Variants in KHDRBS2 observed in about 807,000 individuals in gnomAD.
KHDRBS2 encodes KH RNA binding domain containing, signal transduction associated 2.
In KHDRBS2, 26 loss-of-function variants were observed where a neutral mutation model predicts 44.3. That is an observed-to-expected ratio of 0.59 (90% CI 0.43 to 0.81). The LOEUF is 0.81. KHDRBS2 is among the 40% of genes least tolerant of loss of function. The probability of loss-of-function intolerance (pLI) is 0.00; values close to 1 mark genes in which losing one functional copy is unlikely to be tolerated. For missense variants in KHDRBS2, 476 were observed against 433.1 expected, an observed-to-expected ratio of 1.10 and a Z score of -0.88; for synonymous variants, 194 against 151.1, an observed-to-expected ratio of 1.28 and a Z score of -2.08.
intron 6 of KHDRBS2, among the ~76,000 whole-genome samples, chr6:61,843,222 G>T (rs766285100): frequency 6.6e-6 from 1 of 151,882 alleles, no homozygotes; most frequent in African/African-American, 2.4e-5. Context: ...GTATCTTTTC[G>T]AAGTGATAAA....
chr6:62,078,084 G>C (rs1263407890), intron 2 of KHDRBS2, among the ~76,000 whole-genome samples: 4 of 152,032 alleles, frequency 2.6e-5, no homozygotes, highest in Non-Finnish European at 5.9e-5. Flanking sequence ...TGCTGGCTAA[G>C]AGTATCTGCA....
At chr6:62,161,578 G>GT (rs998029505) in intron 2 of KHDRBS2, among the ~76,000 whole-genome samples, 3 of 131,376 alleles carry the variant, frequency 2.3e-5, no homozygotes, top group Admixed American at 2.3e-4. Context: ...ATTTGCGGGG[G>GT]GGGGGGGGGT....
chr6:62,101,375 T>A (rs1358529687), intron 2 of KHDRBS2, among the ~76,000 whole-genome samples: 1 of 152,086 alleles, frequency 6.6e-6, no homozygotes, highest in Non-Finnish European at 1.5e-5. Flanking sequence ...AACTGCAAGG[T>A]CTTGGATTTC....
chr6:62,279,026 G>A (rs1451806821), intron 1 of KHDRBS2, among the ~76,000 whole-genome samples: 3 of 152,022 alleles, frequency 2.0e-5, no homozygotes, highest in Admixed American at 6.6e-5. Context: ...CCCGGGAGGC[G>A]GAGCTTGCAG....
At chr6:61,719,845 G>A (rs535909952) in intron 7 of KHDRBS2, among the ~76,000 whole-genome samples, 1 of 151,924 alleles carries the variant, frequency 6.6e-6, no homozygotes, top group Admixed American at 6.6e-5. Context: ...AGTTACATAT[G>A]TATACATGTG....
chr6:61,664,267 C>A, the KHDRBS2 span, among the ~76,000 whole-genome samples: 162 of 151,850 alleles, frequency 1.1e-3, no homozygotes, highest in African/African-American at 3.8e-3. Context: ...GGAAGGTTGA[C>A]ATATTTGAAT....
intron 4 of KHDRBS2, among the ~76,000 whole-genome samples, chr6:61,925,296 T>C (rs1447999828): frequency 1.3e-5 from 2 of 152,134 alleles, no homozygotes; most frequent in African/African-American, 4.8e-5. Context: ...TCCTCACTTT[T>C]TGAAATAAAA....
At chr6:62,258,492 AG>A (rs1197601222) in intron 1 of KHDRBS2, among the ~76,000 whole-genome samples, 4 of 152,084 alleles carry the variant, frequency 2.6e-5, no homozygotes, top group African/African-American at 7.2e-5. Flanking sequence ...ATGTAAATTT[AG>A]AGTCAGAAAT....
rs73489288 is a variant in KHDRBS2, at chr6:62,103,306, C to T, written c.220-55312G>A. Among the ~76,000 whole-genome samples the T allele has an allele frequency of 8.2e-3, 1,249 of 152,246 alleles. 16 individuals are homozygous for T. The highest frequency in any genetic ancestry group is 0.029 in the African/African-American group (1,203 of 41,548). ...TAGTCTGCTGGGCCCCGGTTGTCCA[C>T]GTGAAGGGGAACAGCCTTCAGCCCC... On this transcript the variant is annotated intron_variant, in intron 2 of 8. Transcript: ENST00000281156.
chr6:62,277,299 A>T (rs1213511888), intron 1 of KHDRBS2, among the ~76,000 whole-genome samples: 2 of 152,024 alleles, frequency 1.3e-5, no homozygotes, highest in Non-Finnish European at 2.9e-5. Flanking sequence ...TATTAATAGC[A>T]CATATCATAT....
chr6:61,597,223 T>C, the KHDRBS2 span, among the ~76,000 whole-genome samples: 1 of 152,210 alleles, frequency 6.6e-6, no homozygotes. Flanking sequence ...AAAGATTTTC[T>C]TTTTAGGTGT....
At chr6:62,064,980 C>A (rs1175431562) in intron 2 of KHDRBS2, among the ~76,000 whole-genome samples, 10 of 151,946 alleles carry the variant, frequency 6.6e-5, no homozygotes, top group Admixed American at 1.3e-4. Context: ...AGGACATGAA[C>A]AGACACTTCT....
chr6:62,236,748 A>C (rs1462178069), intron 1 of KHDRBS2, among the ~76,000 whole-genome samples: 1 of 152,186 alleles, frequency 6.6e-6, no homozygotes, highest in Non-Finnish European at 1.5e-5. Flanking sequence ...CCACAGAAAG[A>C]GTATCCAATA....
chr6:61,993,681 T>A (rs373230876), intron 3 of KHDRBS2, among the ~76,000 whole-genome samples: 40,682 of 79,862 alleles, frequency 0.51, 11,619 homozygotes, highest in Non-Finnish European at 0.66. Context: ...ATATTTTTTT[T>A]TTTTGATGTG....
At chr6:62,169,301 C>T (rs369529829) in intron 2 of KHDRBS2, among the ~76,000 whole-genome samples, 7 of 151,008 alleles carry the variant, frequency 4.6e-5, no homozygotes, top group Non-Finnish European at 8.8e-5. Context: ...GGCAGTGCGC[C>T]TAGAATCAAC....
At chr6:61,843,516 C>T (rs1458104303) in intron 6 of KHDRBS2, among the ~76,000 whole-genome samples, 4 of 151,650 alleles carry the variant, frequency 2.6e-5, no homozygotes, top group Admixed American at 1.3e-4. Flanking sequence ...AGCCATGTAC[C>T]CCCACACCTG....
chr6:61,980,474 T>TGTA (rs1335343455), intron 3 of KHDRBS2, among the ~76,000 whole-genome samples: 17 of 152,256 alleles, frequency 1.1e-4, no homozygotes, highest in African/African-American at 2.9e-4. Flanking sequence ...TATGAAAAAT[T>TGTA]GTAGAAGTTT....
At chr6:61,552,400 A>G in the KHDRBS2 span, among the ~76,000 whole-genome samples, 2 of 152,204 alleles carry the variant, frequency 1.3e-5, no homozygotes, top group East Asian at 1.9e-4. Flanking sequence ...TATCAGCTCA[A>G]GGAGCTTTTG....
intron 4 of KHDRBS2, among the ~76,000 whole-genome samples, chr6:61,924,493 A>G (rs540137919): frequency 1.3e-5 from 2 of 152,116 alleles, no homozygotes; most frequent in South Asian, 4.1e-4. Flanking sequence ...AATTTTAGTT[A>G]CTTCTTTTTA....
Sources: allele counts gnomAD v4.1 joint callset (sites outside exome capture counted in the v4.1 genomes callset), GRCh38; gene constraint gnomAD v4.1.1; transcripts MANE v1.5; gene names NCBI Gene and HGNC (gene_info 2026-07-23, HGNC 2026-07-21).